Variants in SNCAIP observed in about 807,000 individuals in gnomAD.
SNCAIP encodes the protein synuclein alpha interacting protein, also known as synphilin-1.
In SNCAIP, 43 loss-of-function variants were observed where a neutral mutation model predicts 86.7. The ratio of observed to expected loss-of-function variants is 0.50; its 90% confidence interval spans 0.39 to 0.64. The LOEUF (loss-of-function observed/expected upper bound fraction) is 0.64. SNCAIP is among the 30% of genes least tolerant of loss of function. The pLI is 0.00. For missense variants in SNCAIP, 981 were observed against 1,103.1 expected (o/e 0.89, Z 1.57); for synonymous variants, 417 against 427.2 (o/e 0.98, Z 0.29).
intron 3 of SNCAIP, among the ~76,000 whole-genome samples, chr5:122,409,672 G>T (rs956496703): frequency 3.9e-5 from 6 of 152,130 alleles, no homozygotes; most frequent in African/African-American, 1.2e-4. Flanking sequence ...CTATATTTTT[G>T]AACCCTGTGC....
At chr5:122,337,523 TTTTGTTTGTTTG>T (rs141566797) in intron 1 of SNCAIP, among the ~76,000 whole-genome samples, 5 of 151,418 alleles carry the variant, frequency 3.3e-5, no homozygotes, top group South Asian at 2.1e-4. Context: ...TTTTTTAGGA[TTTTGTTTGTTTG>T]TTTGTTTGTT....
chr5:122,427,304 A>G (rs1777565939), intron 5 of SNCAIP, among the ~76,000 whole-genome samples: 1 of 152,110 alleles, frequency 6.6e-6, no homozygotes, highest in Non-Finnish European at 1.5e-5. Flanking sequence ...TTAAGTTTCA[A>G]TTCATTCTTA....
Position 122,448,149 on chromosome 5 carries a change from A to G in SNCAIP, c.1593-1696A>G, listed in dbSNP as rs1299097806. ...TGCAGTGACACTCAGCAAGGAGAACATTGGGCCAATATCTGAAGTACAGCA... is the reference window on the plus strand; with the variant it reads ...TGCAGTGACACTCAGCAAGGAGAACGTTGGGCCAATATCTGAAGTACAGCA... On this transcript the variant is annotated intron_variant, in intron 8 of 10. Coordinates refer to ENST00000261368, the MANE Select transcript of SNCAIP (RefSeq NM_005460.4). Among the ~76,000 whole-genome samples the G allele has an allele frequency of 3.9e-5, 6 of 152,344 alleles. No individual in the cohort carries two copies. The East Asian group carries it at 1.2e-3, about 29-fold the overall frequency.
At chr5:122,411,274 T>C in intron 3 of SNCAIP, among the ~76,000 whole-genome samples, 1 of 152,176 alleles carries the variant, frequency 6.6e-6, no homozygotes, top group East Asian at 1.9e-4. Flanking sequence ...GCCAAGTCCC[T>C]TTGACTTTGT....
chr5:122,444,726 T>A lies in SNCAIP; in HGVS notation c.1586T>A (p.Leu529Gln). 1 of 1,613,656 alleles carries A rather than the reference T, an allele frequency of 6.2e-7. No homozygotes were observed. Among genetic ancestry groups the A allele is most frequent in the South Asian group, 1.1e-5 (1 of 91,066 alleles). ...ASQVVKLTKQLKEQTVERVTL... is the reference protein window; with the variant it reads ...ASQVVKLTKQQKEQTVERVTL... Reference sequence around the variant, plus strand: ...CAAGTGGTGAAGTTAACCAAGCAGCTAAAGGAGTAAGTGGCCTGTTGGTTC... The same window carrying A: ...CAAGTGGTGAAGTTAACCAAGCAGCAAAAGGAGTAAGTGGCCTGTTGGTTC... The change falls in exon 8 of 11, where the codon CTA becomes CAA. Residue 529 changes from leucine to glutamine, a missense_variant. Transcript: ENST00000261368.
intron 3 of SNCAIP, among the ~76,000 whole-genome samples, chr5:122,405,071 T>C (rs1415389455): frequency 6.6e-6 from 1 of 152,230 alleles, no homozygotes; most frequent in African/African-American, 2.4e-5. Flanking sequence ...AGGATGTGTC[T>C]TCTTAAAAGG....
At chr5:122,426,719 A>G (rs1048431595) in intron 5 of SNCAIP, among the ~76,000 whole-genome samples, 1 of 152,138 alleles carries the variant, frequency 6.6e-6, no homozygotes, top group Non-Finnish European at 1.5e-5. Context: ...ATCATGAAGA[A>G]AGATAAATAG....
intron 1 of SNCAIP, among the ~76,000 whole-genome samples, chr5:122,383,206 A>C (rs1454821131): frequency 1.3e-5 from 2 of 152,210 alleles, no homozygotes; most frequent in Non-Finnish European, 2.9e-5. Flanking sequence ...CCGTGGGCGT[A>C]GGACCCTCCG....
At chr5:122,382,933 T>G (rs570234225) in intron 1 of SNCAIP, among the ~76,000 whole-genome samples, 1 of 152,316 alleles carries the variant, frequency 6.6e-6, no homozygotes, top group African/African-American at 2.4e-5. Flanking sequence ...GGAGAACCAC[T>G]GCTCTCTTCA....
chr5:122,328,682 T>C lies in SNCAIP; in HGVS notation c.-47+16398T>C, dbSNP rs898000300. ...AGTTCTTGCTCCGTTAACACATTGA[T>C]CTTTCTCAAATTGATCACATCAGTG... On this transcript the variant is annotated intron_variant, in intron 1 of 10. Transcript: ENST00000261368. Among the ~76,000 whole-genome samples the C allele has an allele frequency of 4.7e-4, 72 of 152,246 alleles. 2 individuals carry two copies. Among genetic ancestry groups the C allele is most frequent in the Non-Finnish European group, 2.1e-4 (14 of 68,040 alleles).
In SNCAIP at chr5:122,422,330, G is replaced by A. The variant is rs967899358; in HGVS notation, c.131-538G>A. 3.3e-5 allele frequency among the ~76,000 whole-genome samples: 5 copies of A among 152,258 alleles called. No individual in the cohort carries two copies. The South Asian group carries it at 1.0e-3, about 32-fold the overall frequency. ...TAATCCACTTAATGGCACACCTAGG[G>A]AGTCACTCAAGGAGGTCATAGTTTG... On this transcript the variant is annotated intron_variant, in intron 3 of 10. Transcript: ENST00000261368.
intron 1 of SNCAIP, among the ~76,000 whole-genome samples, chr5:122,362,164 A>G (rs993970842): frequency 2.6e-5 from 4 of 152,198 alleles, no homozygotes; most frequent in Non-Finnish European, 5.9e-5. Context: ...TGTTCCAGTC[A>G]CTATTCTAAG....
At chr5:122,422,011 A>G (rs1240768790) in intron 3 of SNCAIP, among the ~76,000 whole-genome samples, 3 of 59,770 alleles carry the variant, frequency 5.0e-5, no homozygotes, top group African/African-American at 8.1e-5. Flanking sequence ...CAGAAATTAG[A>G]AAAAAAAAAA....
chr5:122,337,426 C>G (rs76364127), intron 1 of SNCAIP, among the ~76,000 whole-genome samples: 170 of 152,058 alleles, frequency 1.1e-3, no homozygotes, highest in Non-Finnish European at 2.0e-3. Context: ...TCTCTTTTAC[C>G]GAGAGAAATA....
At chr5:122,326,604 TC>T (rs781057414) in intron 1 of SNCAIP, among the ~76,000 whole-genome samples, 1 of 130,270 alleles carries the variant, frequency 7.7e-6, no homozygotes, top group Non-Finnish European at 1.6e-5. Flanking sequence ...CAGAAATGTC[TC>T]CTTTTTTTTT....
In SNCAIP at chr5:122,318,450, T is replaced by G. The variant is rs187559565; in HGVS notation, c.-47+6166T>G. On this transcript the variant is annotated intron_variant, in intron 1 of 10. Transcript: ENST00000261368. ...GACTAAATGTCTTGAGAGCTGGACTTACTTCCTTATCTTTGCACATCCTGT... is the reference window on the plus strand; with the variant it reads ...GACTAAATGTCTTGAGAGCTGGACTGACTTCCTTATCTTTGCACATCCTGT... Among the ~76,000 whole-genome samples the G allele has an allele frequency of 7.2e-5, 11 of 152,302 alleles. No individual in the cohort carries two copies. In the East Asian group the frequency reaches 2.1e-3, roughly 29 times the overall value.
At chr5:122,383,752 A>T (rs963767933) in intron 1 of SNCAIP, among the ~76,000 whole-genome samples, 3 of 152,252 alleles carry the variant, frequency 2.0e-5, no homozygotes, top group Non-Finnish European at 2.9e-5. Flanking sequence ...AACTACAAAA[A>T]GACCAATCCT....
intron 1 of SNCAIP, among the ~76,000 whole-genome samples, chr5:122,362,833 C>T (rs1012727999): frequency 1.3e-5 from 2 of 152,126 alleles, no homozygotes; most frequent in Non-Finnish European, 2.9e-5. Context: ...ATGAATTAAA[C>T]AGTACAGCAA....
rs191606857 is a variant in SNCAIP at position 122,390,315 on chromosome 5, G to A, written c.-46-774G>A. Among the ~76,000 whole-genome samples, 453 of 152,240 alleles carry A rather than the reference G, an allele frequency of 3.0e-3. 1 individual carries two copies. The highest frequency in any genetic ancestry group is 4.8e-3 in the Non-Finnish European group (329 of 68,022). On this transcript the variant is annotated intron_variant, in intron 1 of 10. Transcript: ENST00000261368. ...GACATCTGTAGGTGCCTCTGCCGCC[G>A]CTGATGGGGATGATGATAAGTGATG...
Sources: allele counts gnomAD v4.1 joint callset (sites outside exome capture counted in the v4.1 genomes callset), GRCh38; gene constraint gnomAD v4.1.1; transcripts MANE v1.5; gene names NCBI Gene and HGNC (gene_info 2026-07-23, HGNC 2026-07-21).